Variants in KCNH7 observed in about 807,000 individuals in gnomAD.
KCNH7 encodes potassium voltage-gated channel subfamily H member 7, also known as voltage-gated inwardly rectifying potassium channel KCNH7.
A neutral mutation model predicts 120.8 loss-of-function variants in KCNH7; 49 were observed. The observed-to-expected ratio is 0.41, with a 90% confidence interval of 0.32 to 0.51. The LOEUF is 0.51. Ranked by LOEUF, KCNH7 falls within the 20% of genes least tolerant of loss-of-function variation. The probability of loss-of-function intolerance (pLI) is 0.38; values close to 1 mark genes in which losing one functional copy is unlikely to be tolerated. For missense variants in KCNH7, 1,097 were observed against 1,446.6 expected, an observed-to-expected ratio of 0.76 and a Z score of 3.92; for synonymous variants, 547 against 516.1, an observed-to-expected ratio of 1.06 and a Z score of -0.81.
chr2:162,520,155 C>CTTTTTTTTTTT (rs397873711), intron 3 of KCNH7, among the ~76,000 whole-genome samples: 1 of 89,900 alleles, frequency 1.1e-5, no homozygotes, highest in African/African-American at 5.0e-5. Context: ...CAAGCCCAGG[C>CTTTTTTTTTTT]TTTTTTTTTT....
intron 2 of KCNH7, among the ~76,000 whole-genome samples, chr2:162,586,468 C>T (rs996313145): frequency 1.3e-5 from 2 of 151,982 alleles, no homozygotes; most frequent in Admixed American, 1.3e-4. Flanking sequence ...CCCATCTCCC[C>T]TCAAAATCTG....
At chr2:162,646,910 T>G (rs1463557935) in intron 2 of KCNH7, among the ~76,000 whole-genome samples, 1 of 152,170 alleles carries the variant, frequency 6.6e-6, no homozygotes, top group Non-Finnish European at 1.5e-5. Context: ...CCCAGCTGAG[T>G]CCATTCAGCC....
chr2:162,641,078 G>A (rs1684140049), intron 2 of KCNH7, among the ~76,000 whole-genome samples: 1 of 152,102 alleles, frequency 6.6e-6, no homozygotes, highest in South Asian at 2.1e-4. Context: ...CATAGCTGAT[G>A]GGAAGGTATA....
Position 162,427,174 on chromosome 2 carries a change from G to T in KCNH7, c.1955-3639C>A, listed in dbSNP as rs371739168. ...GTTTTTGGCTATTATGAATAAAACT[G>T]CCATGAACACTTGTATACAAGTCTT... On this transcript the variant is annotated intron_variant, in intron 8 of 15. Coordinates refer to ENST00000332142, the MANE Select transcript of KCNH7 (RefSeq NM_033272.4). Among the ~76,000 whole-genome samples, 4 of 151,980 alleles carry T rather than the reference G, an allele frequency of 2.6e-5. No homozygotes were observed. In the South Asian group the frequency reaches 6.2e-4, roughly 24 times the overall value.
chr2:162,660,756 AC>A (rs1290849280), intron 2 of KCNH7, among the ~76,000 whole-genome samples: 5 of 152,340 alleles, frequency 3.3e-5, no homozygotes, highest in South Asian at 2.1e-4. Context: ...CAAACAAAAA[AC>A]ACCTGCTTGA....
chr2:162,602,654 G>A (rs183139740), intron 2 of KCNH7, among the ~76,000 whole-genome samples: 9 of 151,940 alleles, frequency 5.9e-5, no homozygotes, highest in East Asian at 5.8e-4. Flanking sequence ...CCTCCCTAAC[G>A]ACTTTATCTA....
At chr2:162,450,827 G>A (rs938733643) in intron 6 of KCNH7, among the ~76,000 whole-genome samples, 1 of 151,978 alleles carries the variant, frequency 6.6e-6, no homozygotes, top group Non-Finnish European at 1.5e-5. Flanking sequence ...CAGATACTTA[G>A]AGATCAATTA....
intron 2 of KCNH7, among the ~76,000 whole-genome samples, chr2:162,744,596 G>A (rs1413375764): frequency 1.5e-5 from 2 of 135,366 alleles, no homozygotes; most frequent in African/African-American, 2.7e-5. Flanking sequence ...TTTTTGATAC[G>A]GAGTCTCGCT....
chr2:162,776,059 TTAG>T (rs1683223854), intron 2 of KCNH7, among the ~76,000 whole-genome samples: 1 of 152,214 alleles, frequency 6.6e-6, no homozygotes, highest in African/African-American at 2.4e-5. Context: ...CTGTCAATTA[TTAG>T]TAAAGCTAGT....
chr2:162,736,448 T>G (rs938049556), intron 2 of KCNH7, among the ~76,000 whole-genome samples: 11 of 152,242 alleles, frequency 7.2e-5, no homozygotes, highest in African/African-American at 2.7e-4. Context: ...TAGTGCCTTT[T>G]AAGGAAGAGT....
intron 2 of KCNH7, among the ~76,000 whole-genome samples, chr2:162,793,256 T>C (rs1456069285): frequency 6.6e-6 from 1 of 151,912 alleles, no homozygotes; most frequent in Non-Finnish European, 1.5e-5. Flanking sequence ...TGGGAACACA[T>C]GGACACCTAG....
chr2:162,558,751 C>T (rs765399691), intron 2 of KCNH7, among the ~76,000 whole-genome samples: 1 of 151,428 alleles, frequency 6.6e-6, no homozygotes, highest in Non-Finnish European at 1.5e-5. Context: ...TTTCATACTC[C>T]TTCTTTGGCA....
At chr2:162,677,822 T>A (rs1312181647) in intron 2 of KCNH7, among the ~76,000 whole-genome samples, 1 of 151,478 alleles carries the variant, frequency 6.6e-6, no homozygotes, top group African/African-American at 2.4e-5. Context: ...TACAAATATT[T>A]GGTATTTTAG....
At chr2:162,549,953 G>A (rs1692611765) in intron 2 of KCNH7, among the ~76,000 whole-genome samples, 1 of 152,162 alleles carries the variant, frequency 6.6e-6, no homozygotes, top group Non-Finnish European at 1.5e-5. Flanking sequence ...TGATATTTTA[G>A]ACGCTGCTGC....
rs1312116014 is a variant in KCNH7 at position 162,372,946 on chromosome 2, G to A, written c.3324+524C>T. Among the ~76,000 whole-genome samples the A allele has an allele frequency of 2.9e-4, 44 of 152,068 alleles. 1 individual carries two copies. Among genetic ancestry groups the A allele is most frequent in the Admixed American group, 2.8e-3 (43 of 15,270 alleles). ...AAGTAAAAAAATTTAGAGATCTCTG[G>A]TGATGGGTGGGGTACAGACAAGATT... On this transcript the variant is annotated intron_variant, in intron 15 of 15. Coordinates refer to ENST00000332142, the MANE Select transcript of KCNH7 (RefSeq NM_033272.4).
chr2:162,803,049 G>A (rs1019826598), intron 2 of KCNH7, among the ~76,000 whole-genome samples: 3 of 151,552 alleles, frequency 2.0e-5, no homozygotes, highest in Non-Finnish European at 3.0e-5. Flanking sequence ...TCTTTTGTCC[G>A]GAGGTTTCCC....
At chr2:162,421,177 A>G (rs1043479777) in intron 9 of KCNH7, among the ~76,000 whole-genome samples, 1 of 152,148 alleles carries the variant, frequency 6.6e-6, no homozygotes, top group African/African-American at 2.4e-5. Flanking sequence ...TCAGCGGCAC[A>G]TGGTTTAGAG....
intron 4 of KCNH7, among the ~76,000 whole-genome samples, chr2:162,514,669 A>T (rs1403318630): frequency 6.6e-6 from 1 of 151,620 alleles, no homozygotes; most frequent in African/African-American, 2.4e-5. Flanking sequence ...TTTTATGTCT[A>T]TTTTTTACAT....
At chr2:162,831,265 G>A (rs991875265) in intron 2 of KCNH7, among the ~76,000 whole-genome samples, 27 of 152,002 alleles carry the variant, frequency 1.8e-4, no homozygotes, top group Admixed American at 5.2e-4. Context: ...GATTCTTGGC[G>A]CTAATAAGCC....
Sources: allele counts gnomAD v4.1 joint callset (sites outside exome capture counted in the v4.1 genomes callset), GRCh38; gene constraint gnomAD v4.1.1; transcripts MANE v1.5; gene names NCBI Gene and HGNC (gene_info 2026-07-23, HGNC 2026-07-21).